The following SLC25A33 variants were observed in gnomAD, a reference collection of about 807,000 sequenced individuals.
SLC25A33 encodes the protein bone marrow stromal cell mitochondrial carrier protein.
SLC25A33 carries 15 observed loss-of-function variants against 35.5 expected under a neutral mutation model. That is an observed-to-expected ratio of 0.42 (90% confidence interval 0.28 to 0.65). The LOEUF (loss-of-function observed/expected upper bound fraction) is 0.65. Ranked by LOEUF, SLC25A33 falls within the 30% of genes least tolerant of loss-of-function variation. The pLI is 0.20. For missense variants in SLC25A33, 257 were observed against 398.5 expected (o/e 0.64, Z 3.02); for synonymous variants, 136 against 148.7 (o/e 0.91, Z 0.62).
chr1:9,567,085 A>G (rs1643518643), intron 2 of SLC25A33, among the ~76,000 whole-genome samples, 199 bp from the exon 3 acceptor site: 2 of 152,258 alleles, frequency 1.3e-5, no homozygotes, highest in South Asian at 2.1e-4. Context: ...TTTTTGAGGC[A>G]TGTTTTTTCA....
intron 2 of SLC25A33, among the ~76,000 whole-genome samples, chr1:9,564,311 T>C (rs1157352888): frequency 2.6e-5 from 4 of 152,206 alleles, no homozygotes; most frequent in African/African-American, 9.6e-5. Context: ...GAACCCCTTT[T>C]ACATTGCAGG....
intron 5 of SLC25A33, among the ~76,000 whole-genome samples, chr1:9,576,060 C>T (rs1381157592): frequency 6.6e-6 from 1 of 152,150 alleles, no homozygotes; most frequent in Non-Finnish European, 1.5e-5. Flanking sequence ...GGGATAAATG[C>T]GTCCATCAGC....
chr1:9,571,482 G>A (rs924967703), intron 4 of SLC25A33, among the ~76,000 whole-genome samples: 1 of 151,722 alleles, frequency 6.6e-6, no homozygotes, highest in Non-Finnish European at 1.5e-5. Flanking sequence ...TTTAGTAGAG[G>A]CAGGGTTTCA....
rs1368639281 is a variant in SLC25A33 at position 9,583,991 on chromosome 1, T to C, written c.*1490T>C. The C allele has an allele frequency of 9.2e-5, 13 of 140,776 alleles. No homozygotes were observed. In the South Asian group the frequency reaches 2.7e-3, roughly 29 times the overall value. The allele number at this position is 140,776 out of a possible 1,614,324, so 8.7% of individuals were successfully genotyped here. A position where few individuals can be genotyped will look rare whatever the true frequency, so the allele number is the denominator to read the frequency against. On this transcript the variant is annotated 3_prime_UTR_variant, in exon 7 of 7. Transcript: ENST00000302692. ...GCCTGGGCCACAGAGTGCGACTCCA[T>C]CTCAAAAAAAAAAAAAAAACCAGGA... is the stretch of plus-strand genomic sequence containing the variant.
At position 9,539,622 on chromosome 1, in the gene SLC25A33, C is replaced by T; in HGVS notation, c.-70C>T. On this transcript the variant is annotated 5_prime_UTR_variant, in exon 1 of 7. Coordinates refer to ENST00000302692, the MANE Select transcript of SLC25A33 (RefSeq NM_032315.3). The stretch of plus-strand genomic sequence containing the variant: ...CAGCGGGGAGACAAGACCCGGCGAC[C>T]TCGCGCATCCCTCGAGCCGCCACGC... The T allele has an allele frequency of 1.6e-6, 2 of 1,241,170 alleles. No homozygotes were observed. Among genetic ancestry groups the T allele is most frequent in the Non-Finnish European group, 2.1e-6 (2 of 974,308 alleles). 76.9% of individuals were successfully genotyped at this position (1,241,170 alleles called of 1,614,324 possible).
intron 1 of SLC25A33, among the ~76,000 whole-genome samples, chr1:9,549,136 G>T (rs952484781): frequency 6.6e-6 from 1 of 152,160 alleles, no homozygotes; most frequent in East Asian, 1.9e-4. Context: ...AGAAGGGACT[G>T]GGTGGTATGC....
At chr1:9,579,326 C>T (rs1367384852) in intron 5 of SLC25A33, among the ~76,000 whole-genome samples, 1 of 139,982 alleles carries the variant, frequency 7.1e-6, no homozygotes, top group African/African-American at 2.5e-5. Flanking sequence ...CCACCCCCCG[C>T]CCACCCACTT....
chr1:9,562,059 A>G (rs1223740997), intron 2 of SLC25A33, among the ~76,000 whole-genome samples: 7 of 151,324 alleles, frequency 4.6e-5, no homozygotes, highest in Non-Finnish European at 1.0e-4. Flanking sequence ...CAAAAAAAAA[A>G]AAAAAGGGGC....
intron 5 of SLC25A33, among the ~76,000 whole-genome samples, chr1:9,574,940 G>A (rs113773790): frequency 0.022 from 3,378 of 152,132 alleles, 54 homozygotes; most frequent in Non-Finnish European, 0.029. Context: ...TAGGCCGGGT[G>A]CGGTGGCTCA....
At chr1:9,550,899 A>G (rs1643257504) in intron 1 of SLC25A33, among the ~76,000 whole-genome samples, 1 of 151,770 alleles carries the variant, frequency 6.6e-6, no homozygotes, top group South Asian at 2.1e-4. Flanking sequence ...GCTGGTCTCC[A>G]ACTCCTGAGC....
In SLC25A33 at chr1:9,575,070, G is replaced by A. The variant is rs1036351227; in HGVS notation, c.482+1658G>A. ...CTACTAAAAATACAAAAAATAAGCC[G>A]GGCGTGATGGTGGGCGCCTGTAGTC... On this transcript the variant is annotated intron_variant, in intron 5 of 6. Coordinates refer to ENST00000302692, the MANE Select transcript of SLC25A33 (RefSeq NM_032315.3). 4.0e-5 allele frequency among the ~76,000 whole-genome samples: 6 copies of A among 151,698 alleles called. No individual in the cohort carries two copies. In the South Asian group the frequency reaches 8.3e-4, roughly 21 times the overall value.
chr1:9,565,922 T>A lies in SLC25A33; in HGVS notation c.237-1362T>A, dbSNP rs147092054. Among the ~76,000 whole-genome samples the A allele has an allele frequency of 5.9e-5, 9 of 151,768 alleles. No individual in the cohort carries two copies. The East Asian group carries it at 1.5e-3, about 26-fold the overall frequency. On this transcript the variant is annotated intron_variant, in intron 2 of 6. Transcript: ENST00000302692. ...AAAGAAAATGAAAAACGAAAAGCAG[T>A]CACGGTATAATCTTTGGACTTGAGA...
intron 2 of SLC25A33, among the ~76,000 whole-genome samples, chr1:9,564,739 A>ATATATATATATATATATATAT (rs1211262069): frequency 1.7e-4 from 16 of 96,526 alleles, no homozygotes; most frequent in Admixed American, 3.3e-4. Flanking sequence ...AAAAAAAAAA[A>ATATATATATATATATATATAT]ATATATATAT....
chr1:9,574,033 G>A (rs907648262), intron 5 of SLC25A33, among the ~76,000 whole-genome samples: 4 of 151,620 alleles, frequency 2.6e-5, no homozygotes, highest in African/African-American at 9.7e-5. Context: ...ACTTGTTGCC[G>A]AAGCTGAAGT....
At chr1:9,551,805 C>A (rs964872762) in intron 1 of SLC25A33, among the ~76,000 whole-genome samples, 3 of 151,968 alleles carry the variant, frequency 2.0e-5, no homozygotes, top group African/African-American at 7.3e-5. Context: ...AGCCCTGATG[C>A]CAGGGATGGA....
At chr1:9,564,984 C>T (rs551149448) in intron 2 of SLC25A33, among the ~76,000 whole-genome samples, 1 of 151,806 alleles carries the variant, frequency 6.6e-6, no homozygotes, top group East Asian at 1.9e-4. Context: ...GGATGAACCT[C>T]AAAGACTGAG....
chr1:9,550,683 AATT>A (rs1234789563), intron 1 of SLC25A33, among the ~76,000 whole-genome samples: 1 of 151,916 alleles, frequency 6.6e-6, no homozygotes, highest in Non-Finnish European at 1.5e-5. Context: ...TTAATTAATT[AATT>A]ATTGAGACTG....
intron 1 of SLC25A33, among the ~76,000 whole-genome samples, chr1:9,552,413 G>A (rs2100378884): frequency 6.6e-6 from 1 of 151,422 alleles, no homozygotes; most frequent in South Asian, 2.1e-4. Flanking sequence ...TTTTTTTTTA[G>A]TAGAGATTGG....
At chr1:9,581,715 G>A (rs2100417408) in intron 6 of SLC25A33, among the ~76,000 whole-genome samples, 1 of 147,264 alleles carries the variant, frequency 6.8e-6, no homozygotes, top group South Asian at 2.1e-4. Flanking sequence ...GAGTAATAGA[G>A]TGAGACTCTG....
Sources: allele counts gnomAD v4.1 joint callset (sites outside exome capture counted in the v4.1 genomes callset), GRCh38; gene constraint gnomAD v4.1.1; transcripts MANE v1.5; gene names NCBI Gene and HGNC (gene_info 2026-07-23, HGNC 2026-07-21).